CLEC16A: variants seen among roughly 807,000 people sequenced by gnomAD.
The protein encoded by CLEC16A is C-type lectin domain containing 16A.
CLEC16A carries 51 observed loss-of-function variants against 109.5 expected under a neutral mutation model. The observed-to-expected ratio is 0.47, with a 90% CI of 0.37 to 0.59. The LOEUF (loss-of-function observed/expected upper bound fraction) is 0.59, where lower values mean the gene tolerates loss of function less well. Ranked by LOEUF, CLEC16A falls within the 20% of genes least tolerant of loss-of-function variation. The pLI is 0.00. For synonymous variants in CLEC16A, 673 were observed against 564.2 expected (o/e 1.19, Z -2.73); for missense variants, 1,339 against 1,394.0 (o/e 0.96, Z 0.63).
chr16:11,012,169 G>C (rs547407798), intron 11 of CLEC16A, among the ~76,000 whole-genome samples: 22 of 152,256 alleles, frequency 1.4e-4, no homozygotes, highest in Non-Finnish European at 2.5e-4. Flanking sequence ...TACCATAGGT[G>C]AGTTGATATC....
At chr16:11,095,624 C>T (rs908119920) in intron 19 of CLEC16A, among the ~76,000 whole-genome samples, 2 of 151,966 alleles carry the variant, frequency 1.3e-5, no homozygotes, top group African/African-American at 4.8e-5. Context: ...CCAGCCTGGC[C>T]AACATGGTAA....
chr16:11,110,936 C>T (rs1031445741), intron 19 of CLEC16A, among the ~76,000 whole-genome samples: 2 of 152,158 alleles, frequency 1.3e-5, no homozygotes, highest in African/African-American at 4.8e-5. Context: ...CATGCTTTTT[C>T]CTTTTCTCCT....
At chr16:11,163,778 A>G (rs1342128196) in intron 22 of CLEC16A, among the ~76,000 whole-genome samples, 1 of 152,180 alleles carries the variant, frequency 6.6e-6, no homozygotes, top group Non-Finnish European at 1.5e-5. Context: ...AGCCGGGGTC[A>G]TTGTCGGGAG....
intron 2 of CLEC16A, among the ~76,000 whole-genome samples, chr16:10,958,420 C>A (rs1161540005): frequency 6.6e-6 from 1 of 152,144 alleles, no homozygotes; most frequent in Non-Finnish European, 1.5e-5. Context: ...AAGTGACACA[C>A]CCAGAATCAG....
chr16:11,025,913 C>G (rs1302818391), intron 13 of CLEC16A, among the ~76,000 whole-genome samples: 1 of 152,188 alleles, frequency 6.6e-6, no homozygotes, highest in East Asian at 1.9e-4. Context: ...CAAACAAACC[C>G]AAGTAGGAGT....
At chr16:10,955,528 G>C (rs539694831) in intron 1 of CLEC16A, among the ~76,000 whole-genome samples, 1 of 152,176 alleles carries the variant, frequency 6.6e-6, no homozygotes, top group Non-Finnish European at 1.5e-5. Flanking sequence ...AGAGATGCCC[G>C]AGCTGGGTTT....
intron 10 of CLEC16A, among the ~76,000 whole-genome samples, chr16:10,994,117 C>T (rs933188457): frequency 1.3e-5 from 2 of 152,334 alleles, no homozygotes; most frequent in Non-Finnish European, 2.9e-5. Flanking sequence ...TGCTTTACGC[C>T]TCTGCAGCTG....
At chr16:11,120,416 G>T (rs1187274109) in intron 19 of CLEC16A, among the ~76,000 whole-genome samples, 199 bp from the exon 20 acceptor site, 1 of 152,216 alleles carries the variant, frequency 6.6e-6, no homozygotes, top group South Asian at 2.1e-4. Context: ...CCAGATGAGG[G>T]ATCTGAGGTC....
At chr16:11,007,485 G>C (rs2045099254) in intron 11 of CLEC16A, among the ~76,000 whole-genome samples, 1 of 152,190 alleles carries the variant, frequency 6.6e-6, no homozygotes, top group African/African-American at 2.4e-5. Flanking sequence ...CCCCTGAACA[G>C]CTGTGTGGCT....
chr16:10,965,239 G>C (rs78669895), intron 3 of CLEC16A, among the ~76,000 whole-genome samples: 53 of 152,264 alleles, frequency 3.5e-4, no homozygotes, highest in African/African-American at 1.3e-3. Context: ...GCTTTTATAA[G>C]CCCTGCAAAA....
At chr16:11,020,424 C>G (rs1241964859) in intron 12 of CLEC16A, 99 bp downstream of exon 12, 1 of 1,364,350 alleles carries the variant, frequency 7.3e-7, no homozygotes, top group Non-Finnish European at 9.7e-7. Context: ...TTCTGTCCCT[C>G]AGCCCGACCA....
chr16:11,010,616 AGC>A (rs1321394792), intron 11 of CLEC16A, among the ~76,000 whole-genome samples: 3 of 152,162 alleles, frequency 2.0e-5, no homozygotes, highest in Non-Finnish European at 2.9e-5. Flanking sequence ...AAGCATCATG[AGC>A]ATTTGCTAAG....
At chr16:10,965,343 G>A (rs931519000) in intron 3 of CLEC16A, among the ~76,000 whole-genome samples, 1 of 152,172 alleles carries the variant, frequency 6.6e-6, no homozygotes, top group African/African-American at 2.4e-5. Context: ...TCTAATCACA[G>A]AAGAAAAAAT....
intron 17 of CLEC16A, chr16:11,048,251 T>C (rs773910746): frequency 4.2e-4 from 64 of 152,286 alleles, no homozygotes; most frequent in Admixed American, 4.6e-4. Context: ...TCCACTGGAA[T>C]GTTTCAGCAT....
intron 10 of CLEC16A, 40 bp downstream of exon 10, chr16:10,983,031 A>G (rs200162765): frequency 2.6e-6 from 3 of 1,137,506 alleles, no homozygotes; most frequent in Non-Finnish European, 4.0e-6. Flanking sequence ...ACAGGAAACC[A>G]TTGCTCATTT....
At chr16:11,106,805 C>A (rs936222789) in intron 19 of CLEC16A, among the ~76,000 whole-genome samples, 19 of 152,168 alleles carry the variant, frequency 1.2e-4, no homozygotes, top group Non-Finnish European at 2.8e-4. Flanking sequence ...TATTTTATTA[C>A]CCCCCGCCTA....
At chr16:11,040,043 C>A in intron 14 of CLEC16A, 167 bp downstream of exon 14, 1 of 763,168 alleles carries the variant, frequency 1.3e-6, no homozygotes, top group Non-Finnish European at 2.0e-6. Context: ...AGCCCTCCTG[C>A]CTGCTGGGAC....
chr16:11,089,944 C>G (rs1169690193), intron 19 of CLEC16A, among the ~76,000 whole-genome samples: 1 of 152,360 alleles, frequency 6.6e-6, no homozygotes, highest in South Asian at 2.1e-4. Context: ...GAATTCCTGC[C>G]TCCTTCATGT....
chr16:11,008,340 C>T (rs1332058553), intron 11 of CLEC16A, among the ~76,000 whole-genome samples: 1 of 152,184 alleles, frequency 6.6e-6, no homozygotes, highest in African/African-American at 2.4e-5. Flanking sequence ...CTGCCATTTC[C>T]CTGAAAAGCA....
Sources: allele counts gnomAD v4.1 joint callset (sites outside exome capture counted in the v4.1 genomes callset), GRCh38; gene constraint gnomAD v4.1.1; transcripts MANE v1.5; gene names NCBI Gene and HGNC (gene_info 2026-07-23, HGNC 2026-07-21).